Variants in EXPH5 observed in about 807,000 individuals in gnomAD.
The protein encoded by EXPH5 is exophilin 5.
EXPH5 carries 42 observed loss-of-function variants against 41.1 expected under a neutral mutation model. The observed-to-expected ratio is 1.02, with a 90% CI of 0.80 to 1.32. EXPH5 has a LOEUF of 1.32. EXPH5 is among the 40% of genes most tolerant of loss of function. EXPH5 has a pLI of 0.00. For synonymous variants in EXPH5, 798 were observed against 833.5 expected, an observed-to-expected ratio of 0.96 and a Z score of 0.73; for missense variants, 2,298 against 2,314.5, an observed-to-expected ratio of 0.99 and a Z score of 0.15.
intron 1 of EXPH5, among the ~76,000 whole-genome samples, chr11:108,575,145 C>T (rs1381668803): frequency 6.6e-6 from 1 of 152,132 alleles, no homozygotes; most frequent in Middle Eastern, 3.2e-3. Flanking sequence ...GAATAGTAAA[C>T]ATATGAAAAT....
At position 108,513,531 on chromosome 11, in the gene EXPH5, T is replaced by G. The variant is rs759463525; in HGVS notation, c.1976A>C (p.Asn659Thr). Residue 659 changes from asparagine to threonine, a missense_variant, in exon 6 of 6, where the codon AAT becomes ACT. Asn to Thr is a moderately conservative substitution (Grantham distance 65). Transcript: ENST00000265843. ...TCTCATTGGATGAGAGGCAGGCTTA[T>G]TTGGAAAAATTTTCTGCAAAGTGAC... ...PTVTLQKIFP[N>T]KPASHPMRSH... is the part of the protein sequence containing the mutation. 1 of 1,614,234 alleles carries G rather than the reference T, an allele frequency of 6.2e-7. No individual in the cohort carries two copies. The highest frequency in any genetic ancestry group is 1.1e-5 in the South Asian group (1 of 91,088).
intron 1 of EXPH5, among the ~76,000 whole-genome samples, chr11:108,558,658 C>G (rs994980139): frequency 6.6e-6 from 1 of 152,190 alleles, no homozygotes; most frequent in Non-Finnish European, 1.5e-5. Flanking sequence ...CAGAAAAGGA[C>G]ACATGATTCC....
chr11:108,606,294 C>A, the EXPH5 span, among the ~76,000 whole-genome samples: 1 of 152,206 alleles, frequency 6.6e-6, no homozygotes, highest in Non-Finnish European at 1.5e-5. Flanking sequence ...GTCAGGCATG[C>A]CTGCCCAGAC....
At chr11:108,607,073 G>C in the EXPH5 span, among the ~76,000 whole-genome samples, 1 of 152,152 alleles carries the variant, frequency 6.6e-6, no homozygotes, top group African/African-American at 2.4e-5. Flanking sequence ...TACATCAGCT[G>C]TTCCAGGCAA....
At position 108,512,780 on chromosome 11, in the gene EXPH5, T is replaced by A. The variant is rs2093691695; in HGVS notation, c.2727A>T (p.Arg909Ser). 1 of 1,613,988 alleles carries A rather than the reference T, an allele frequency of 6.2e-7. No individual in the cohort carries two copies. Among genetic ancestry groups the A allele is most frequent in the Non-Finnish European group, 8.5e-7 (1 of 1,179,972 alleles). ...VVPSTTVFSR[R>S]SPSDKDPSLG... Reference sequence around the variant, plus strand: ...GCGATGGATCTTTGTCTGAAGGACTTCTCCTGGAGAACACTGTAGTAGATG... The same window carrying A: ...GCGATGGATCTTTGTCTGAAGGACTACTCCTGGAGAACACTGTAGTAGATG... Residue 909 changes from arginine (R) to serine (S), a missense_variant, in exon 6 of 6, where the codon AGA (arginine) becomes AGT (serine). Transcript: ENST00000265843.
chr11:108,584,155 G>T (rs2094106762), intron 1 of EXPH5, among the ~76,000 whole-genome samples: 1 of 152,156 alleles, frequency 6.6e-6, no homozygotes, highest in African/African-American at 2.4e-5. Context: ...ACACCTTTGA[G>T]AGTCACACAG....
intron 1 of EXPH5, among the ~76,000 whole-genome samples, chr11:108,557,022 A>T (rs2093992968): frequency 6.6e-6 from 1 of 152,092 alleles, no homozygotes; most frequent in Admixed American, 6.5e-5. Context: ...TGGGCTTCAG[A>T]CTTGTTCCCT....
chr11:108,599,467 A>G, the EXPH5 span, among the ~76,000 whole-genome samples: 3 of 152,220 alleles, frequency 2.0e-5, no homozygotes, highest in Non-Finnish European at 4.4e-5. Flanking sequence ...ATATTTTGAT[A>G]AAGGCTTTTA....
chr11:108,607,237 G>A, the EXPH5 span, among the ~76,000 whole-genome samples: 1 of 152,146 alleles, frequency 6.6e-6, no homozygotes, highest in Non-Finnish European at 1.5e-5. Context: ...GAATTCTAGA[G>A]TACAATACTG....
chr11:108,596,949 C>T (rs1456608491), upstream of EXPH5, among the ~76,000 whole-genome samples: 1 of 152,196 alleles, frequency 6.6e-6, no homozygotes, highest in Non-Finnish European at 1.5e-5. Context: ...CATTTTCAAT[C>T]TTAGTATCCG....
chr11:108,593,403 G>A lies in EXPH5; in HGVS notation c.119+15C>T. On this transcript the variant is annotated intron_variant, in intron 1 of 5. Coordinates refer to ENST00000265843, the MANE Select transcript of EXPH5 (RefSeq NM_015065.3). ...GACCCAGGCCCAGGACAAAAGAAATGAATTTGCTCTGTACCTGATCCTGTC... is the reference window on the plus strand; with the variant it reads ...GACCCAGGCCCAGGACAAAAGAAATAAATTTGCTCTGTACCTGATCCTGTC... 6.2e-7 allele frequency: 1 copy of A among 1,606,904 alleles called. No homozygotes were observed.
intron 1 of EXPH5, among the ~76,000 whole-genome samples, chr11:108,552,823 G>T (rs2093973072): frequency 6.6e-6 from 1 of 152,176 alleles, no homozygotes; most frequent in Non-Finnish European, 1.5e-5. Context: ...AGAGACTGAG[G>T]TGGGAGAATC....
At chr11:108,563,302 C>T (rs2094020698) in intron 1 of EXPH5, among the ~76,000 whole-genome samples, 1 of 152,190 alleles carries the variant, frequency 6.6e-6, no homozygotes. Context: ...AGCTGTCAAT[C>T]AGCCCTCATT....
At chr11:108,529,934 G>C (rs2093826252) in intron 3 of EXPH5, among the ~76,000 whole-genome samples, 1 of 152,046 alleles carries the variant, frequency 6.6e-6, no homozygotes, top group Non-Finnish European at 1.5e-5. Context: ...AACAGTAATG[G>C]GGATCAAGAG....
At chr11:108,534,412 G>A (rs1411567431) in intron 3 of EXPH5, among the ~76,000 whole-genome samples, 1 of 152,114 alleles carries the variant, frequency 6.6e-6, no homozygotes, top group East Asian at 1.9e-4. Flanking sequence ...CTCATATAAG[G>A]CCCGTGTGTT....
At chr11:108,534,110 T>C (rs2093862716) in intron 3 of EXPH5, among the ~76,000 whole-genome samples, 2 of 152,220 alleles carry the variant, frequency 1.3e-5, no homozygotes, top group East Asian at 3.8e-4. Context: ...TTTTCAAATG[T>C]TGCCAAATGT....
intron 1 of EXPH5, among the ~76,000 whole-genome samples, chr11:108,563,262 G>A (rs552702510): frequency 6.6e-6 from 1 of 152,204 alleles, no homozygotes; most frequent in African/African-American, 2.4e-5. Flanking sequence ...CCTGCCAGTT[G>A]CTTTGACTGC....
At chr11:108,543,403 G>T (rs1293670236) in intron 1 of EXPH5, among the ~76,000 whole-genome samples, 1 of 152,186 alleles carries the variant, frequency 6.6e-6, no homozygotes, top group Non-Finnish European at 1.5e-5. Flanking sequence ...CTGGATGGAG[G>T]CAAAATGAAC....
intron 3 of EXPH5, among the ~76,000 whole-genome samples, chr11:108,537,150 A>G (rs918377756): frequency 2.0e-5 from 3 of 152,226 alleles, no homozygotes; most frequent in Non-Finnish European, 4.4e-5. Flanking sequence ...GACCTGATTT[A>G]TATCACCTGT....
Sources: gnomAD v4.1 joint callset for allele counts (sites outside exome capture counted in the v4.1 genomes callset) on GRCh38, gnomAD v4.1.1 for gene constraint, MANE v1.5 for transcripts, NCBI Gene and HGNC (gene_info 2026-07-23, HGNC 2026-07-21) for gene names.